PEAK1: variants seen among roughly 807,000 people sequenced by gnomAD.
The protein encoded by PEAK1 is pseudopodium enriched atypical kinase 1.
Under a neutral mutation model 124.7 loss-of-function variants are expected in PEAK1, and 54 were observed. The observed-to-expected ratio is 0.43, with a 90% confidence interval of 0.35 to 0.54. PEAK1 has a LOEUF of 0.54. PEAK1 is among the 20% of genes least tolerant of loss of function. PEAK1 has a pLI of 0.01. For synonymous variants in PEAK1, 719 were observed against 760.0 expected (o/e 0.95, Z 0.89); for missense variants, 2,046 against 2,134.5 (o/e 0.96, Z 0.82).
chr15:77,320,884 C>T (rs2065165847), intron 2 of PEAK1, among the ~76,000 whole-genome samples: 1 of 151,516 alleles, frequency 6.6e-6, no homozygotes, highest in Admixed American at 6.6e-5. Flanking sequence ...TGTTCAATTC[C>T]CACCTATGAG....
intron 2 of PEAK1, among the ~76,000 whole-genome samples, chr15:77,310,969 T>C (rs1183125572): frequency 6.6e-6 from 1 of 152,178 alleles, no homozygotes. Context: ...TAGGTATTAG[T>C]TTACAGCCTA....
chr15:77,108,650 GAC>G lies in PEAK1; in HGVS notation c.*5504_*5505del, dbSNP rs1405887617. ...CAACATTCAAGTTATCATGAGTGCG[GAC>G]ACACACATACTATCCACACACTAAC... is the stretch of plus-strand genomic sequence containing the variant. On this transcript the variant is annotated 3_prime_UTR_variant, in exon 10 of 10. Coordinates refer to ENST00000682557, the MANE Select transcript of PEAK1 (RefSeq NM_001385026.1). 6.6e-6 allele frequency: 1 copy of G among 152,108 alleles called. No homozygotes were observed. Among genetic ancestry groups the G allele is most frequent in the Admixed American group, 6.6e-5 (1 of 15,262 alleles). The allele number at this position is 152,108 out of a possible 1,614,324, so 9.4% of individuals were successfully genotyped here.
At chr15:77,105,052 C>T (rs939211229), downstream of PEAK1, 1 of 152,168 alleles carries the variant, frequency 6.6e-6, no homozygotes, top group Non-Finnish European at 1.5e-5. Flanking sequence ...TGCCTCCCAT[C>T]CCCCAACCCT....
intron 6 of PEAK1, among the ~76,000 whole-genome samples, chr15:77,251,548 C>T (rs1399348802): frequency 6.6e-6 from 1 of 152,006 alleles, no homozygotes; most frequent in Non-Finnish European, 1.5e-5. Flanking sequence ...AAAAATAACA[C>T]CAAAAAATCC....
At chr15:77,147,341 G>A (rs1023000348) in intron 8 of PEAK1, among the ~76,000 whole-genome samples, 2 of 152,148 alleles carry the variant, frequency 1.3e-5, no homozygotes, top group Admixed American at 6.5e-5. Flanking sequence ...AATGCTCTAG[G>A]ATGTTGGGAT....
chr15:77,269,459 G>A (rs965307905), intron 5 of PEAK1, among the ~76,000 whole-genome samples: 2 of 152,066 alleles, frequency 1.3e-5, no homozygotes, highest in Non-Finnish European at 2.9e-5. Flanking sequence ...TAATACAACA[G>A]GAAAGTATCA....
intron 6 of PEAK1, among the ~76,000 whole-genome samples, chr15:77,194,250 T>G (rs980735350): frequency 6.6e-6 from 1 of 152,176 alleles, no homozygotes; most frequent in Admixed American, 6.5e-5. Flanking sequence ...ACTTGAGTCC[T>G]GGATTTTCAT....
intron 2 of PEAK1, among the ~76,000 whole-genome samples, chr15:77,340,796 T>C (rs889686230): frequency 6.6e-6 from 1 of 152,104 alleles, no homozygotes; most frequent in African/African-American, 2.4e-5. Flanking sequence ...ACAATATTGC[T>C]CTTTACTTTA....
At position 77,181,306 on chromosome 15, in the gene PEAK1, C is replaced by T. The variant is rs1307038600; in HGVS notation, c.621G>A (p.Lys207=). The change falls in exon 7 of 10, where the codon AAG becomes AAA. Residue 207 remains lysine, a synonymous_variant. Transcript: ENST00000682557. ...MIGGIKETQG[K]HVILSGSTEV... is the part of the protein sequence containing the mutation. ...CTGTGCTCCCACTCAGAATAACATG[C>T]TTGCCCTGAGTTTCCTTTATCCCAC... The T allele has an allele frequency of 7.4e-6, 12 of 1,614,134 alleles. No homozygotes were observed. Among genetic ancestry groups the T allele is most frequent in the South Asian group, 1.1e-5 (1 of 91,084 alleles).
At chr15:77,303,133 A>T (rs1377161536) in intron 2 of PEAK1, among the ~76,000 whole-genome samples, 6 of 152,164 alleles carry the variant, frequency 3.9e-5, no homozygotes, top group Admixed American at 3.9e-4. Context: ...TCGCTATATG[A>T]ATGTACCACA....
chr15:77,332,024 G>A (rs2153033093), intron 2 of PEAK1: 1 of 225,536 alleles, frequency 4.4e-6, no homozygotes, highest in Middle Eastern at 2.3e-3. Flanking sequence ...ATCACTTGAG[G>A]TCAGGAGTTC....
intron 6 of PEAK1, among the ~76,000 whole-genome samples, chr15:77,213,065 G>A (rs990327046): frequency 1.3e-5 from 2 of 152,136 alleles, no homozygotes; most frequent in East Asian, 1.9e-4. Flanking sequence ...TCCCTAAGAT[G>A]AATGTATTCT....
At chr15:77,205,536 C>A (rs1046745322) in intron 6 of PEAK1, among the ~76,000 whole-genome samples, 3 of 152,052 alleles carry the variant, frequency 2.0e-5, no homozygotes, top group African/African-American at 7.2e-5. Flanking sequence ...AGAATTGATT[C>A]CTAAAGAAAA....
intron 5 of PEAK1, among the ~76,000 whole-genome samples, chr15:77,273,854 C>T (rs1356898558): frequency 6.6e-6 from 1 of 152,098 alleles, no homozygotes; most frequent in South Asian, 2.1e-4. Flanking sequence ...AATTTGGAGG[C>T]ATCACATTAC....
intron 9 of PEAK1, among the ~76,000 whole-genome samples, chr15:77,117,796 A>C (rs67839374): frequency 0.086 from 13,054 of 152,240 alleles, 629 homozygotes; most frequent in Non-Finnish European, 0.1. Flanking sequence ...GAAAAAAAAA[A>C]CTGTGACCTT....
chr15:77,272,065 T>C (rs749679032), intron 5 of PEAK1, among the ~76,000 whole-genome samples: 1 of 152,196 alleles, frequency 6.6e-6, no homozygotes, highest in African/African-American at 2.4e-5. Context: ...TTATTTGAAC[T>C]GAACGATAAT....
At chr15:77,337,940 A>C in intron 2 of PEAK1, 1 of 984,198 alleles carries the variant, frequency 1.0e-6, no homozygotes, top group Non-Finnish European at 1.2e-6. Context: ...GTGCTGATAG[A>C]AAAAAATAAT....
At chr15:77,201,352 C>T (rs962241415) in intron 6 of PEAK1, among the ~76,000 whole-genome samples, 1 of 150,678 alleles carries the variant, frequency 6.6e-6, no homozygotes, top group Non-Finnish European at 1.5e-5. Flanking sequence ...ATTCTCCTGC[C>T]TCCGCCTCCC....
At chr15:77,166,741 G>A (rs570139331) in intron 7 of PEAK1, among the ~76,000 whole-genome samples, 1 of 152,294 alleles carries the variant, frequency 6.6e-6, no homozygotes, top group Non-Finnish European at 1.5e-5. Context: ...CTAAGTGTTT[G>A]TCCTTTAAGC....
Sources: allele counts gnomAD v4.1 joint callset (sites outside exome capture counted in the v4.1 genomes callset), GRCh38; gene constraint gnomAD v4.1.1; transcripts MANE v1.5; gene names NCBI Gene and HGNC (gene_info 2026-07-23, HGNC 2026-07-21).